Variants in CPEB1 observed in about 807,000 individuals in gnomAD.
CPEB1 encodes the protein cytoplasmic polyadenylation element binding protein 1.
A neutral mutation model predicts 65.8 loss-of-function variants in CPEB1; 7 were observed. The ratio of observed to expected loss-of-function variants is 0.11; its 90% CI spans 0.06 to 0.20. CPEB1 has a LOEUF of 0.20. CPEB1 is among the 10% of genes least tolerant of loss of function. The probability of loss-of-function intolerance (pLI) is 1.00; values close to 1 mark genes in which losing one functional copy is unlikely to be tolerated. For missense variants in CPEB1, 551 were observed against 712.2 expected (o/e 0.77, Z 2.58); for synonymous variants, 262 against 260.0 (o/e 1.01, Z -0.08).
Position 82,627,217 on chromosome 15 carries a change from G to C in CPEB1, c.247C>G (p.Arg83Gly). The C allele has an allele frequency of 1.2e-6, 2 of 1,601,240 alleles. No homozygotes were observed. Among genetic ancestry groups the C allele is most frequent in the Non-Finnish European group, 1.7e-6 (2 of 1,176,620 alleles). Residue 83 changes from arginine (R) to glycine (G), a missense_variant, in exon 3 of 13, where the codon CGA (arginine) becomes GGA (glycine). Arg to Gly is a moderately radical substitution (Grantham distance 125, BLOSUM62 -2). Coordinates refer to ENST00000684509, the MANE Select transcript of CPEB1 (RefSeq NM_001365242.1). ...FSRVCTTPIN[R>G]GIHDHLPDFQ... ...CCTGGCAAATGATCATGAATTCCTC[G>C]GTTTATAGGTGTAGTGCAGACTCTA...
At chr15:82,559,728 A>T (rs1163998189) in intron 4 of CPEB1, among the ~76,000 whole-genome samples, 1 of 152,230 alleles carries the variant, frequency 6.6e-6, no homozygotes, top group African/African-American at 2.4e-5. Context: ...TGTATGCTAA[A>T]ACTAAGTGTC....
intron 1 of CPEB1, among the ~76,000 whole-genome samples, chr15:82,631,449 TCAGATGG>T (rs892561647): frequency 2.0e-5 from 3 of 151,710 alleles, no homozygotes; most frequent in Admixed American, 6.6e-5. Context: ...GCCAGGACTG[TCAGATGG>T]CGAACAGATC....
At chr15:82,602,900 G>A (rs1421563141) in intron 3 of CPEB1, among the ~76,000 whole-genome samples, 1 of 151,972 alleles carries the variant, frequency 6.6e-6, no homozygotes, top group Admixed American at 6.6e-5. Flanking sequence ...GGTAATATTA[G>A]TGAAATGGCG....
chr15:82,629,584 C>T (rs549987548), intron 1 of CPEB1: 13 of 985,354 alleles, frequency 1.3e-5, no homozygotes, highest in Admixed American at 6.1e-5. Context: ...TCCGGTCTCC[C>T]TCACTCTCCA....
intron 4 of CPEB1, among the ~76,000 whole-genome samples, chr15:82,564,379 G>A (rs1352837764): frequency 2.0e-5 from 3 of 151,976 alleles, no homozygotes; most frequent in Non-Finnish European, 2.9e-5. Flanking sequence ...TCTGCCTCCC[G>A]GGTTCACGCC....
intron 3 of CPEB1, among the ~76,000 whole-genome samples, chr15:82,579,309 C>T (rs1266109507): frequency 6.6e-6 from 1 of 152,076 alleles, no homozygotes; most frequent in Non-Finnish European, 1.5e-5. Context: ...AAAAGTAAGA[C>T]AAATAGCTGG....
intron 4 of CPEB1, among the ~76,000 whole-genome samples, chr15:82,561,345 A>C (rs1173678660): frequency 1.3e-5 from 2 of 152,232 alleles, no homozygotes; most frequent in Non-Finnish European, 2.9e-5. Flanking sequence ...TCTTCAGCTA[A>C]AGCAGAAAAT....
At chr15:82,582,197 C>T (rs2041345213) in intron 3 of CPEB1, among the ~76,000 whole-genome samples, 1 of 152,160 alleles carries the variant, frequency 6.6e-6, no homozygotes, top group South Asian at 2.1e-4. Flanking sequence ...ATTCTATGAG[C>T]TTTGTATCAA....
At chr15:82,604,499 AAGAC>A (rs971418299) in intron 3 of CPEB1, among the ~76,000 whole-genome samples, 7 of 151,882 alleles carry the variant, frequency 4.6e-5, no homozygotes, top group Non-Finnish European at 8.8e-5. Context: ...AAAAAAAAAA[AAGAC>A]AGAAACAAGA....
rs374161426 is a variant in CPEB1, at chr15:82,584,667, G to A, written c.272-13135C>T. Among the ~76,000 whole-genome samples, 44 of 137,572 alleles carry A rather than the reference G, an allele frequency of 3.2e-4. No homozygotes were observed. The East Asian group carries it at 6.5e-3, about 20-fold the overall frequency. The allele number at this position is 137,572 out of a possible 152,430, so 90.3% of individuals were successfully genotyped here. ...CACTCCAGCCTGGGCAAGACAGAGC[G>A]AGACTCCATCAAAAAAAAAAAAAAA... On this transcript the variant is annotated intron_variant, in intron 3 of 12. Coordinates refer to ENST00000684509, the MANE Select transcript of CPEB1 (RefSeq NM_001365242.1).
At chr15:82,555,556 A>G (rs772425382) in intron 6 of CPEB1, among the ~76,000 whole-genome samples, 1 of 152,228 alleles carries the variant, frequency 6.6e-6, no homozygotes, top group Non-Finnish European at 1.5e-5. Context: ...ACCCGTGGAA[A>G]AAGTAAAAGC....
intron 1 of CPEB1, among the ~76,000 whole-genome samples, chr15:82,643,265 T>A (rs961014297): frequency 6.6e-6 from 1 of 152,206 alleles, no homozygotes; most frequent in African/African-American, 2.4e-5. Flanking sequence ...ATCTAGCTTG[T>A]GTCTGAGTTT....
chr15:82,628,520 T>C lies in CPEB1; in HGVS notation c.-61A>G. On this transcript the variant is annotated 5_prime_UTR_variant, in exon 2 of 13. Coordinates refer to ENST00000684509, the MANE Select transcript of CPEB1 (RefSeq NM_001365242.1). ...TATTCAAGGCTGCTTTTGACTTCTT[T>C]TACAATACAGACCCTTCTATTACAC... The C allele has an allele frequency of 1.4e-6, 1 of 698,252 alleles. No individual in the cohort carries two copies. The highest frequency in any genetic ancestry group is 2.0e-5 in the Admixed American group (1 of 49,780). The allele number at this position is 698,252 out of a possible 1,614,324, so 43.3% of individuals were successfully genotyped here.
rs561134133 is a variant in CPEB1 at position 82,628,361 on chromosome 15, T to C, written c.96+3A>G. ...CCTTGGAGAAATCCAAGAGTTAACA[T>C]ACCAGAGGAATTAGCAGAAGACAAT... On this transcript the variant is annotated splice_donor_region_variant and intron_variant, in intron 2 of 12. Transcript: ENST00000684509. The C allele has an allele frequency of 4.5e-4, 315 of 702,756 alleles. No homozygotes were observed. The highest frequency in any genetic ancestry group is 7.2e-4 in the Non-Finnish European group (277 of 384,880). 43.5% of individuals were successfully genotyped at this position (702,756 alleles called of 1,614,324 possible). A position where few individuals can be genotyped will look rare whatever the true frequency, so the allele number is the denominator to read the frequency against.
chr15:82,550,341 A>G (rs2036025440), intron 9 of CPEB1, among the ~76,000 whole-genome samples: 1 of 152,224 alleles, frequency 6.6e-6, no homozygotes, highest in African/African-American at 2.4e-5. Context: ...GTCTTGAAGC[A>G]GGAAGAGATC....
At chr15:82,557,272 C>T (rs1006047500) in intron 5 of CPEB1, among the ~76,000 whole-genome samples, 4 of 152,094 alleles carry the variant, frequency 2.6e-5, no homozygotes, top group Non-Finnish European at 1.5e-5. Flanking sequence ...AAAGCTGACA[C>T]GGGTCAGTGG....
chr15:82,610,400 C>T (rs1048318022), intron 3 of CPEB1, among the ~76,000 whole-genome samples: 8 of 151,998 alleles, frequency 5.3e-5, no homozygotes, highest in Admixed American at 4.6e-4. Context: ...AGGCAGAGAC[C>T]ACAAGAAAAC....
At chr15:82,588,505 T>C (rs1011838612) in intron 3 of CPEB1, among the ~76,000 whole-genome samples, 1 of 152,190 alleles carries the variant, frequency 6.6e-6, no homozygotes, top group Non-Finnish European at 1.5e-5. Flanking sequence ...TATAAAGAAA[T>C]CAGCTTCATT....
chr15:82,638,116 C>A, intron 1 of CPEB1: 1 of 327,740 alleles, frequency 3.1e-6, no homozygotes, highest in Non-Finnish European at 6.3e-6. Context: ...AAAATCCAGC[C>A]TCACACAGAT....
Sources: gnomAD v4.1 joint callset for allele counts (sites outside exome capture counted in the v4.1 genomes callset) on GRCh38, gnomAD v4.1.1 for gene constraint, MANE v1.5 for transcripts, NCBI Gene and HGNC (gene_info 2026-07-23, HGNC 2026-07-21) for gene names.